Variants in MALRD1 observed in about 807,000 individuals in gnomAD.
MALRD1 encodes the protein MAM and LDL receptor class A domain containing 1, also known as MAM and LDL-receptor class A domain-containing protein 1.
Under a neutral mutation model 242.1 loss-of-function variants are expected in MALRD1, and 247 were observed. The observed-to-expected ratio is 1.02, with a 90% CI of 0.92 to 1.13. The LOEUF is 1.13. Ranked by LOEUF, MALRD1 falls within the 50% of genes most tolerant of loss-of-function variation. The pLI is 0.00. For synonymous variants in MALRD1, 995 were observed against 866.6 expected (o/e 1.15, Z -2.60); for missense variants, 2,989 against 2,533.1 (o/e 1.18, Z -3.86).
intron 20 of MALRD1, among the ~76,000 whole-genome samples, chr10:19,281,241 G>T (rs566486932): frequency 6.6e-6 from 1 of 152,306 alleles, no homozygotes; most frequent in East Asian, 1.9e-4. Context: ...ATGCATCACA[G>T]ATGGAAAATA....
At position 19,062,457 on chromosome 10, in the gene MALRD1, C is replaced by A. The variant is rs114699265; in HGVS notation, c.200-4262C>A. The stretch of plus-strand genomic sequence containing the variant: ...TACCCCAAGGAAACCAAAGTAGGGA[C>A]TCGAACAAGTATTTGTACACCCATG... On this transcript the variant is annotated intron_variant, in intron 1 of 39. Transcript: ENST00000454679. Among the ~76,000 whole-genome samples the A allele has an allele frequency of 2.0e-3, 308 of 152,276 alleles. 1 individual carries two copies. The highest frequency in any genetic ancestry group is 6.4e-3 in the African/African-American group (264 of 41,568).
At chr10:19,462,159 G>A (rs941460440) in intron 29 of MALRD1, among the ~76,000 whole-genome samples, 1 of 152,112 alleles carries the variant, frequency 6.6e-6, no homozygotes, top group Non-Finnish European at 1.5e-5. Context: ...TCTGTATTCT[G>A]ATGCTTCCTA....
chr10:19,418,443 T>A (rs1266231270), intron 28 of MALRD1, among the ~76,000 whole-genome samples: 1 of 152,176 alleles, frequency 6.6e-6, no homozygotes, highest in Admixed American at 6.5e-5. Flanking sequence ...AGATTAAGGT[T>A]TTATTCATCT....
chr10:19,385,785 T>C (rs1846047876), intron 26 of MALRD1, among the ~76,000 whole-genome samples: 1 of 152,146 alleles, frequency 6.6e-6, no homozygotes, highest in Admixed American at 6.6e-5. Context: ...GCCTTAGTTC[T>C]TTTTCTTCTA....
At chr10:19,604,064 A>C (rs1004140924) in intron 34 of MALRD1, among the ~76,000 whole-genome samples, 3 of 152,154 alleles carry the variant, frequency 2.0e-5, no homozygotes, top group African/African-American at 7.2e-5. Context: ...AAAAGCTAGA[A>C]ATGATTATTA....
At chr10:19,186,244 C>T (rs1239589079) in intron 14 of MALRD1, among the ~76,000 whole-genome samples, 1 of 152,080 alleles carries the variant, frequency 6.6e-6, no homozygotes, top group Non-Finnish European at 1.5e-5. Context: ...AAAATCTAGA[C>T]AACTATTTTC....
chr10:19,171,719 C>CGTATATAT lies in MALRD1; in HGVS notation c.1831-3489_1831-3488insGTATATAT, dbSNP rs1564440700. Among the ~76,000 whole-genome samples the CGTATATAT allele has an allele frequency of 1.8e-5, 2 of 112,614 alleles. 1 individual carries two copies. Among genetic ancestry groups the CGTATATAT allele is most frequent in the African/African-American group, 6.4e-5 (2 of 31,444 alleles). The allele number at this position is 112,614 out of a possible 152,430, so 73.9% of individuals were successfully genotyped here. On this transcript the variant is annotated intron_variant, in intron 13 of 39. Transcript: ENST00000454679. ...ATGTGTGTGTATATATACGTATATA[C>CGTATATAT]ACGTATATACGTATATATATCATAT... is the stretch of plus-strand genomic sequence containing the variant.
At chr10:19,289,225 G>A (rs1173027412) in intron 21 of MALRD1, among the ~76,000 whole-genome samples, 10 of 152,092 alleles carry the variant, frequency 6.6e-5, no homozygotes, top group African/African-American at 2.4e-4. Context: ...CATATAAGTG[G>A]TAAAGGTAGA....
intron 26 of MALRD1, among the ~76,000 whole-genome samples, chr10:19,383,382 T>C (rs1845920994): frequency 6.6e-6 from 1 of 152,302 alleles, no homozygotes; most frequent in Middle Eastern, 3.4e-3. Context: ...TGATATAATC[T>C]CATTCTATTT....
intron 29 of MALRD1, among the ~76,000 whole-genome samples, chr10:19,454,407 T>TAG (rs1564356528): frequency 1.4e-4 from 18 of 127,438 alleles, no homozygotes; most frequent in Non-Finnish European, 2.9e-4. Context: ...ATGCATATGA[T>TAG]ATATATATAT....
At position 19,285,603 on chromosome 10, in the gene MALRD1, T is replaced by C. The variant is rs1223222386; in HGVS notation, c.3419+2422T>C. ...TTTCTGAGGGCTCTGTTCTGTTCCA[T>C]TGGTCTATATCTCTGTTTTGGTACC... On this transcript the variant is annotated intron_variant, in intron 21 of 39. Coordinates refer to ENST00000454679, the MANE Select transcript of MALRD1 (RefSeq NM_001142308.3). Among the ~76,000 whole-genome samples, 3 of 150,854 alleles carry C rather than the reference T, an allele frequency of 2.0e-5. No individual in the cohort carries two copies. The East Asian group carries it at 5.9e-4, about 30-fold the overall frequency.
At chr10:19,519,259 C>T (rs1166915435) in intron 31 of MALRD1, among the ~76,000 whole-genome samples, 2 of 151,876 alleles carry the variant, frequency 1.3e-5, no homozygotes, top group Non-Finnish European at 2.9e-5. Context: ...GTTTTTTTCT[C>T]ATTTTCTTCT....
chr10:19,324,225 T>G (rs1232505010), intron 22 of MALRD1, 120 bp downstream of exon 22: 1 of 960,464 alleles, frequency 1.0e-6, no homozygotes, highest in African/African-American at 1.7e-5. Context: ...AACACTTCAC[T>G]AGATTTATAG....
intron 34 of MALRD1, among the ~76,000 whole-genome samples, chr10:19,595,682 T>C (rs1405863948): frequency 6.6e-6 from 1 of 152,190 alleles, no homozygotes; most frequent in Non-Finnish European, 1.5e-5. Flanking sequence ...ACCTATCTTT[T>C]TCCTTTTCCA....
intron 24 of MALRD1, among the ~76,000 whole-genome samples, chr10:19,334,948 A>G (rs1330340852): frequency 6.6e-6 from 1 of 152,046 alleles, no homozygotes; most frequent in Admixed American, 6.6e-5. Context: ...TTCTGGCTAA[A>G]TATTTCTTGA....
chr10:19,321,248 A>C (rs1457206939), intron 21 of MALRD1, among the ~76,000 whole-genome samples: 1 of 152,170 alleles, frequency 6.6e-6, no homozygotes, highest in South Asian at 2.1e-4. Context: ...CATTAACATT[A>C]GTTTTCCAAT....
chr10:19,312,761 T>C (rs941295423), intron 21 of MALRD1, among the ~76,000 whole-genome samples: 1 of 151,372 alleles, frequency 6.6e-6, no homozygotes, highest in Admixed American at 6.6e-5. Context: ...TGATTTTAGA[T>C]GACATTAGAT....
chr10:19,143,230 C>G (rs759465490), intron 10 of MALRD1, among the ~76,000 whole-genome samples: 1 of 152,162 alleles, frequency 6.6e-6, no homozygotes, highest in Non-Finnish European at 1.5e-5. Context: ...TTTATACAAT[C>G]AAAAGTGGCT....
chr10:19,138,998 C>A (rs1010831596), intron 10 of MALRD1, among the ~76,000 whole-genome samples: 20 of 152,072 alleles, frequency 1.3e-4, no homozygotes, highest in African/African-American at 4.6e-4. Context: ...AATAGTGTAA[C>A]CTCATTTGTC....
Sources: allele counts gnomAD v4.1 joint callset (sites outside exome capture counted in the v4.1 genomes callset), GRCh38; gene constraint gnomAD v4.1.1; transcripts MANE v1.5; gene names NCBI Gene and HGNC (gene_info 2026-07-23, HGNC 2026-07-21).